The following KMT2E variants were observed in gnomAD, a reference collection of about 807,000 sequenced individuals.
KMT2E encodes the protein histone reader KMT2E.
Under a neutral mutation model 184.6 loss-of-function variants are expected in KMT2E, and 30 were observed. That is an observed-to-expected ratio of 0.16 (90% CI 0.12 to 0.22). The LOEUF (loss-of-function observed/expected upper bound fraction) is 0.22, where lower values mean the gene tolerates loss of function less well. KMT2E is among the 10% of genes least tolerant of loss of function. KMT2E has a pLI of 1.00. For synonymous variants in KMT2E, 815 were observed against 776.5 expected (o/e 1.05, Z -0.82); for missense variants, 2,023 against 2,237.4 (o/e 0.90, Z 1.93).
intron 15 of KMT2E, among the ~76,000 whole-genome samples, chr7:105,093,039 T>A (rs1039575798): frequency 3.3e-5 from 5 of 151,882 alleles, no homozygotes; most frequent in African/African-American, 1.2e-4. Flanking sequence ...TACAAAAAAT[T>A]TAAAAATTAG....
In KMT2E at chr7:105,113,485, T is replaced by A. The variant is rs568874790; in HGVS notation, c.*152T>A. 1.3e-5 allele frequency: 11 copies of A among 860,588 alleles called. No homozygotes were observed. The African/African-American group carries it at 1.4e-4, about 11-fold the overall frequency. 53.3% of individuals were successfully genotyped at this position (860,588 alleles called of 1,614,324 possible). On this transcript the variant is annotated 3_prime_UTR_variant, in exon 27 of 27. Transcript: ENST00000311117. ...TTGTATTTTTCTCATTTTTGCTTTT[T>A]AAAATTCCTTTAAAAAATGTGCTGT...
chr7:105,057,335 A>T (rs969810234), intron 3 of KMT2E, among the ~76,000 whole-genome samples: 1 of 152,232 alleles, frequency 6.6e-6, no homozygotes, highest in Non-Finnish European at 1.5e-5. Context: ...ATGCAGATAT[A>T]TACATGACAG....
At chr7:105,030,962 A>G (rs1194314568) in intron 1 of KMT2E, among the ~76,000 whole-genome samples, 2 of 152,216 alleles carry the variant, frequency 1.3e-5, no homozygotes, top group Non-Finnish European at 2.9e-5. Context: ...AAAAATCTCA[A>G]GTTTTCTAGT....
intron 22 of KMT2E, chr7:105,108,569 G>C (rs1424044757): frequency 1.1e-5 from 5 of 458,922 alleles, no homozygotes; most frequent in Non-Finnish European, 2.2e-5. Context: ...TTTGTGGGAA[G>C]CAATGTAGTA....
intron 15 of KMT2E, among the ~76,000 whole-genome samples, chr7:105,101,109 G>T (rs962806604): frequency 1.3e-5 from 2 of 152,092 alleles, no homozygotes; most frequent in Non-Finnish European, 2.9e-5. Flanking sequence ...ATTATTAAGA[G>T]AAAAGATTTT....
Position 105,112,562 on chromosome 7 carries a change from C to A in KMT2E, c.4806C>A (p.His1602Gln). Residue 1602 changes from histidine (H) to glutamine (Q), a missense_variant, in exon 27 of 27, where the codon CAC (histidine) becomes CAA (glutamine). This residue lies in a region of KMT2E where 1,108 missense variants were observed against 1,050.9 expected (regional missense o/e 1.05). Coordinates refer to ENST00000311117, the MANE Select transcript of KMT2E (RefSeq NM_182931.3). ...CAAGCCAGCAAACAGTTCCAGGACA[C>A]CACGTGACTCCAGGGCATTTTTTGC... is the stretch of plus-strand genomic sequence containing the variant. ...GTTSQQTVPG[H>Q]HVTPGHFLPS... 1 of 1,614,048 alleles carries A rather than the reference C, an allele frequency of 6.2e-7. No individual in the cohort carries two copies. Among genetic ancestry groups the A allele is most frequent in the Non-Finnish European group, 8.5e-7 (1 of 1,179,986 alleles).
intron 6 of KMT2E, among the ~76,000 whole-genome samples, chr7:105,071,690 C>T (rs1377073809): frequency 1.5e-5 from 2 of 136,050 alleles, no homozygotes; most frequent in Non-Finnish European, 3.1e-5. Context: ...ATCTCCTGAC[C>T]TCGTGATCTG....
intron 6 of KMT2E, among the ~76,000 whole-genome samples, chr7:105,071,134 C>G (rs189653598): frequency 6.6e-6 from 1 of 152,006 alleles, no homozygotes; most frequent in Admixed American, 6.5e-5. Context: ...AAAATATATG[C>G]TGAAGATCAC....
intron 3 of KMT2E, among the ~76,000 whole-genome samples, chr7:105,060,115 C>T (rs1461760281): frequency 9.4e-5 from 14 of 149,598 alleles, no homozygotes; most frequent in African/African-American, 2.2e-4. Flanking sequence ...CCTGCCTCAG[C>T]CCCCAAGTAG....
intron 3 of KMT2E, among the ~76,000 whole-genome samples, chr7:105,045,248 T>C (rs1796052826): frequency 6.6e-6 from 1 of 152,276 alleles, no homozygotes; most frequent in African/African-American, 2.4e-5. Context: ...AATTTGATAC[T>C]ATTGACTCTC....
chr7:105,064,886 A>G (rs1370863476), intron 5 of KMT2E, among the ~76,000 whole-genome samples: 3 of 152,168 alleles, frequency 2.0e-5, no homozygotes, highest in Non-Finnish European at 4.4e-5. Context: ...GATAAATTAC[A>G]TACTTTGGTA....
intron 15 of KMT2E, among the ~76,000 whole-genome samples, chr7:105,095,357 T>C (rs1268743782): frequency 1.3e-5 from 2 of 152,178 alleles, no homozygotes; most frequent in Admixed American, 6.6e-5. Flanking sequence ...TATGACAAAG[T>C]TTCATGGAAT....
At chr7:105,104,736 C>CAGCTATTGTAGGAA (rs1253482925) in intron 17 of KMT2E, 2 of 152,124 alleles carry the variant, frequency 1.3e-5, no homozygotes, top group African/African-American at 2.4e-5. Context: ...TTCTGATGGG[C>CAGCTATTGTAGGAA]AGCTATTGTA....
At chr7:105,059,680 T>C (rs965300478) in intron 3 of KMT2E, among the ~76,000 whole-genome samples, 2 of 152,164 alleles carry the variant, frequency 1.3e-5, no homozygotes, top group African/African-American at 2.4e-5. Context: ...TATGTTGACA[T>C]TTAAAGATGG....
At chr7:105,019,263 T>C (rs1412997946) in intron 1 of KMT2E, among the ~76,000 whole-genome samples, 1 of 152,308 alleles carries the variant, frequency 6.6e-6, no homozygotes, top group African/African-American at 2.4e-5. Context: ...GGAAAAGCAG[T>C]TGGTCTTATA....
chr7:105,079,460 T>G (rs2129568251), intron 12 of KMT2E, among the ~76,000 whole-genome samples: 1 of 150,942 alleles, frequency 6.6e-6, no homozygotes, highest in South Asian at 2.1e-4. Flanking sequence ...AAAATTACTT[T>G]GCACCTTGAA....
At chr7:105,100,695 A>G (rs1215073596) in intron 15 of KMT2E, among the ~76,000 whole-genome samples, 1 of 152,218 alleles carries the variant, frequency 6.6e-6, no homozygotes, top group Non-Finnish European at 1.5e-5. Context: ...AAGAATTACA[A>G]TGGAGGGCAA....
At chr7:105,071,274 A>T (rs1242172910) in intron 6 of KMT2E, among the ~76,000 whole-genome samples, 1 of 151,982 alleles carries the variant, frequency 6.6e-6, no homozygotes, top group Non-Finnish European at 1.5e-5. Context: ...TAGAAGTGAG[A>T]TTGTTCAGTA....
intron 3 of KMT2E, among the ~76,000 whole-genome samples, chr7:105,041,271 T>C (rs573229148): frequency 5.5e-4 from 83 of 152,190 alleles, no homozygotes; most frequent in Non-Finnish European, 5.9e-5. Flanking sequence ...ACATGACTTA[T>C]TTTGACTCCA....
Sources: gnomAD v4.1 joint callset for allele counts (sites outside exome capture counted in the v4.1 genomes callset) on GRCh38, gnomAD v4.1.1 for gene constraint, gnomAD v4.1.1 regional missense constraint, MANE v1.5 for transcripts, NCBI Gene and HGNC (gene_info 2026-07-23, HGNC 2026-07-21) for gene names.